SEMA3A: variants seen among roughly 807,000 people sequenced by gnomAD.
SEMA3A encodes semaphorin 3A.
A neutral mutation model predicts 97.9 loss-of-function variants in SEMA3A; 29 were observed. The observed-to-expected ratio is 0.30, with a 90% CI of 0.22 to 0.40. The LOEUF is 0.40. Ranked by LOEUF, SEMA3A falls within the 10% of genes least tolerant of loss-of-function variation. SEMA3A has a pLI of 1.00. For missense variants in SEMA3A, 763 were observed against 951.3 expected (o/e 0.80, Z 2.60); for synonymous variants, 321 against 323.7 (o/e 0.99, Z 0.09).
intron 1 of SEMA3A, among the ~76,000 whole-genome samples, chr7:84,477,663 T>G (rs1418344507): frequency 1.3e-5 from 2 of 152,094 alleles, no homozygotes; most frequent in Non-Finnish European, 2.9e-5. Context: ...CTAAGATATA[T>G]TTCCATATCT....
At chr7:84,333,307 G>T (rs1801949748) in intron 2 of SEMA3A, among the ~76,000 whole-genome samples, 1 of 152,084 alleles carries the variant, frequency 6.6e-6, no homozygotes, top group Admixed American at 6.6e-5. Flanking sequence ...ACACAAGGAA[G>T]AAAGTATCCT....
At chr7:84,060,841 A>G (rs1322244884) in intron 4 of SEMA3A, among the ~76,000 whole-genome samples, 1 of 152,226 alleles carries the variant, frequency 6.6e-6, no homozygotes, top group African/African-American at 2.4e-5. Flanking sequence ...TGGTAAGAGG[A>G]GAGTGATTAT....
Position 84,164,072 on chromosome 7 carries a change from C to T in SEMA3A, c.113-29121G>A, listed in dbSNP as rs183720449. Among the ~76,000 whole-genome samples the T allele has an allele frequency of 5.1e-3, 776 of 151,986 alleles. 11 individuals are homozygous for T. Among genetic ancestry groups the T allele is most frequent in the African/African-American group, 0.018 (752 of 41,476 alleles). ...GTTGGTCAGGCTGGTCTCGAACTCC[C>T]GACCTCAGGTGATCCGCCCACCTTG... On this transcript the variant is annotated intron_variant, in intron 1 of 16. Coordinates refer to ENST00000265362, the MANE Select transcript of SEMA3A (RefSeq NM_006080.3).
chr7:83,961,690 T>G lies in SEMA3A; in HGVS notation c.1997A>C (p.Glu666Ala). The change falls in exon 17 of 17, where the codon GAA becomes GCA. Residue 666 changes from glutamate (E) to alanine (A), a missense_variant. Around this residue, in one of 2 missense-constraint regions of SEMA3A, gnomAD observed 678 missense variants for 881.3 expected, o/e 0.77. Coordinates refer to ENST00000265362, the MANE Select transcript of SEMA3A (RefSeq NM_006080.3). ...TTCCAAATGCTCTGTGTCAATGACT[T>G]CCAGGGTTACCTTAAGAAGAGTTTG... is the stretch of plus-strand genomic sequence containing the variant. ...FIQTLLKVTL[E>A]VIDTEHLEEL... is the part of the protein sequence containing the mutation. 6.2e-7 allele frequency: 1 copy of G among 1,613,792 alleles called. No individual in the cohort carries two copies. The highest frequency in any genetic ancestry group is 8.5e-7 in the Non-Finnish European group (1 of 1,179,854).
At chr7:84,187,713 T>A (rs974200712) in intron 1 of SEMA3A, among the ~76,000 whole-genome samples, 1 of 152,154 alleles carries the variant, frequency 6.6e-6, no homozygotes. Flanking sequence ...TTATTGTAAA[T>A]TTTCATTCTT....
At chr7:84,110,662 T>C (rs1025597516) in intron 3 of SEMA3A, 73 bp from the exon 4 acceptor site, 2 of 1,494,930 alleles carry the variant, frequency 1.3e-6, no homozygotes, top group Non-Finnish European at 1.8e-6. Context: ...GTGCTAGGCA[T>C]GCTGGAACAG....
intron 12 of SEMA3A, among the ~76,000 whole-genome samples, chr7:83,995,602 A>C (rs1414784316): frequency 6.6e-6 from 1 of 152,188 alleles, no homozygotes; most frequent in Non-Finnish European, 1.5e-5. Context: ...TTTTTTTCTG[A>C]GAAATAGCAG....
At chr7:84,207,878 C>A (rs193278975) in intron 3 of SEMA3A, among the ~76,000 whole-genome samples, 98 of 152,112 alleles carry the variant, frequency 6.4e-4, no homozygotes, top group East Asian at 3.7e-3. Flanking sequence ...GGAATGAGGA[C>A]CCTAAAACAG....
At chr7:84,156,923 C>A (rs924755934) in intron 1 of SEMA3A, among the ~76,000 whole-genome samples, 1 of 152,098 alleles carries the variant, frequency 6.6e-6, no homozygotes, top group African/African-American at 2.4e-5. Context: ...ATTTCACCTG[C>A]AATATCATGG....
intron 4 of SEMA3A, among the ~76,000 whole-genome samples, chr7:84,100,406 G>C (rs145930408): frequency 1.3e-5 from 2 of 152,082 alleles, no homozygotes; most frequent in Non-Finnish European, 2.9e-5. Context: ...CTTTGCCTCA[G>C]GTCTATTACA....
chr7:84,216,509 C>T (rs959968347), intron 3 of SEMA3A, among the ~76,000 whole-genome samples: 1 of 152,080 alleles, frequency 6.6e-6, no homozygotes, highest in Non-Finnish European at 1.5e-5. Flanking sequence ...AAACCTGATC[C>T]TTTCTTCAGC....
chr7:84,235,818 A>T (rs1799223731), intron 3 of SEMA3A, among the ~76,000 whole-genome samples: 1 of 152,106 alleles, frequency 6.6e-6, no homozygotes, highest in Admixed American at 6.6e-5. Context: ...TAGCTACTTT[A>T]GACCATACTT....
intron 1 of SEMA3A, among the ~76,000 whole-genome samples, chr7:84,160,124 C>T (rs1389816837): frequency 1.3e-5 from 2 of 151,916 alleles, no homozygotes; most frequent in Non-Finnish European, 2.9e-5. Context: ...AGAATTATAA[C>T]GATTCCACAT....
chr7:84,413,637 AAAAC>A (rs920465747), intron 1 of SEMA3A, among the ~76,000 whole-genome samples: 14 of 151,766 alleles, frequency 9.2e-5, no homozygotes, highest in African/African-American at 2.9e-4. Flanking sequence ...CCCTGTGTCC[AAAAC>A]AAACAAACAA....
At chr7:84,421,157 C>G (rs960894012) in intron 1 of SEMA3A, among the ~76,000 whole-genome samples, 1 of 151,952 alleles carries the variant, frequency 6.6e-6, no homozygotes, top group Non-Finnish European at 1.5e-5. Context: ...AGAAACTCAT[C>G]ATTTACAAAA....
At position 84,245,726 on chromosome 7, in the gene SEMA3A, A is replaced by G. The variant is rs540717976; in HGVS notation, c.-82-51058T>C. 1.6e-4 allele frequency among the ~76,000 whole-genome samples: 24 copies of G among 152,062 alleles called. No homozygotes were observed. In the East Asian group the frequency reaches 4.1e-3, roughly 26 times the overall value. On this transcript the variant is annotated intron_variant, in intron 3 of 3. Coordinates refer to the SEMA3A transcript ENST00000424555. ...TTGCTGCTTGTTCCTTCCCCTGGAA[A>G]CTTTGTCCCAGAGGGACACCCACAA...
intron 1 of SEMA3A, among the ~76,000 whole-genome samples, chr7:84,483,340 G>A (rs1172480995): frequency 6.6e-6 from 1 of 152,146 alleles, no homozygotes; most frequent in Admixed American, 6.5e-5. Context: ...CTGCTACAAT[G>A]AATCAGGACT....
chr7:84,160,014 A>G (rs952202493), intron 1 of SEMA3A, among the ~76,000 whole-genome samples: 1 of 152,142 alleles, frequency 6.6e-6, no homozygotes, highest in African/African-American at 2.4e-5. Flanking sequence ...AAAATACCAT[A>G]AGTTGATCCT....
chr7:84,114,543 T>C (rs1324294891), intron 3 of SEMA3A, among the ~76,000 whole-genome samples: 1 of 152,124 alleles, frequency 6.6e-6, no homozygotes, highest in African/African-American at 2.4e-5. Flanking sequence ...AAGGAAACCT[T>C]TTCCTATCAT....
Sources: allele counts gnomAD v4.1 joint callset (sites outside exome capture counted in the v4.1 genomes callset), GRCh38; gene constraint gnomAD v4.1.1; regional missense constraint gnomAD v4.1.1; transcripts MANE v1.5; gene names NCBI Gene and HGNC (gene_info 2026-07-23, HGNC 2026-07-21).